The following KIF6 variants were observed in gnomAD, a reference collection of about 807,000 sequenced individuals.
KIF6 encodes the protein kinesin family member 6.
A neutral mutation model predicts 112.7 loss-of-function variants in KIF6; 106 were observed. That is an observed-to-expected ratio of 0.94 (90% CI 0.80 to 1.11). KIF6 has a LOEUF of 1.11. KIF6 is among the 50% of genes least tolerant of loss of function. The pLI, the probability that KIF6 is intolerant of heterozygous loss-of-function variation, is 0.00. For missense variants in KIF6, 929 were observed against 964.0 expected (o/e 0.96, Z 0.48); for synonymous variants, 339 against 339.9 (o/e 1.00, Z 0.03).
chr6:39,644,328 T>C (rs1245577927), intron 3 of KIF6, among the ~76,000 whole-genome samples: 1 of 152,104 alleles, frequency 6.6e-6, no homozygotes, highest in African/African-American at 2.4e-5. Flanking sequence ...CACAGCAGTA[T>C]TAAAAACATG....
intron 13 of KIF6, among the ~76,000 whole-genome samples, chr6:39,489,877 A>G (rs1775365712): frequency 6.6e-6 from 1 of 152,222 alleles, no homozygotes; most frequent in Non-Finnish European, 1.5e-5. Flanking sequence ...GAGAGCAGAA[A>G]GCAGAAAATA....
chr6:39,621,222 C>G (rs1008331167), intron 5 of KIF6, among the ~76,000 whole-genome samples: 12 of 137,588 alleles, frequency 8.7e-5, no homozygotes, highest in Non-Finnish European at 1.6e-4. Context: ...CACACACACA[C>G]ACACACACAC....
At chr6:39,585,569 G>T (rs1356207000) in intron 8 of KIF6, among the ~76,000 whole-genome samples, 4 of 152,172 alleles carry the variant, frequency 2.6e-5, no homozygotes, top group Non-Finnish European at 5.9e-5. Flanking sequence ...GTCCTAAGTG[G>T]CAGCTGGTAT....
At chr6:39,339,731 T>A (rs1336448067) in intron 22 of KIF6, among the ~76,000 whole-genome samples, 2 of 151,672 alleles carry the variant, frequency 1.3e-5, no homozygotes, top group Admixed American at 1.3e-4. Flanking sequence ...CTGATGCCCC[T>A]TACGGGTGTT....
intron 16 of KIF6, among the ~76,000 whole-genome samples, chr6:39,379,901 C>T (rs1766775444): frequency 6.6e-6 from 1 of 152,164 alleles, no homozygotes; most frequent in Non-Finnish European, 1.5e-5. Context: ...TCCTTAACCC[C>T]TTTGGGCCTT....
At chr6:39,346,330 G>A (rs1283378496) in intron 20 of KIF6, 146 bp downstream of exon 20, 2 of 701,414 alleles carry the variant, frequency 2.9e-6, no homozygotes, top group Admixed American at 2.0e-5. Flanking sequence ...GGGCCTTTGG[G>A]TGGTGATTAA....
rs189625577 is a variant in KIF6, at chr6:39,533,172, T to G, written c.1645+6831A>C. ...CAGACAGTGGGTGCAAGACAGTGGG[T>G]GTAGTGCACCGTGCGTGAGCCGAAG... is the stretch of plus-strand genomic sequence containing the variant. On this transcript the variant is annotated intron_variant, in intron 13 of 22. Coordinates refer to ENST00000287152, the MANE Select transcript of KIF6 (RefSeq NM_145027.6). Among the ~76,000 whole-genome samples, 189 of 152,270 alleles carry G rather than the reference T, an allele frequency of 1.2e-3. 2 individuals are homozygous for G. The highest frequency in any genetic ancestry group is 2.4e-3 in the Non-Finnish European group (163 of 68,016).
chr6:39,540,304 C>G, intron 12 of KIF6, 83 bp from the exon 13 acceptor site: 2 of 861,506 alleles, frequency 2.3e-6, no homozygotes, highest in Non-Finnish European at 3.6e-6. Context: ...ATTAATGTTC[C>G]TAACATTTGC....
chr6:39,697,541 CTTT>C (rs35838361), intron 3 of KIF6, among the ~76,000 whole-genome samples: 1 of 131,506 alleles, frequency 7.6e-6, no homozygotes, highest in Non-Finnish European at 1.7e-5. Flanking sequence ...TTTATCCTTT[CTTT>C]TTTTTTTTTT....
intron 10 of KIF6, among the ~76,000 whole-genome samples, chr6:39,547,828 T>C (rs780499801): frequency 6.6e-6 from 1 of 152,236 alleles, no homozygotes; most frequent in Non-Finnish European, 1.5e-5. Flanking sequence ...TTCCATACTA[T>C]GGATGTACTA....
At chr6:39,679,051 G>GT (rs1185379939) in intron 3 of KIF6, among the ~76,000 whole-genome samples, 3 of 152,186 alleles carry the variant, frequency 2.0e-5, no homozygotes, top group Non-Finnish European at 4.4e-5. Context: ...CAAAGCACAC[G>GT]TTGAAATAAT....
intron 13 of KIF6, among the ~76,000 whole-genome samples, chr6:39,519,607 C>G (rs1777266722): frequency 6.6e-6 from 1 of 151,970 alleles, no homozygotes; most frequent in Non-Finnish European, 1.5e-5. Context: ...TTCTGCGAGT[C>G]TAGGAAGGGA....
At chr6:39,455,576 T>C (rs1452087305) in intron 13 of KIF6, among the ~76,000 whole-genome samples, 1 of 151,686 alleles carries the variant, frequency 6.6e-6, no homozygotes, top group Non-Finnish European at 1.5e-5. Flanking sequence ...TACTCTGAGC[T>C]ACGGGAGGAC....
intron 13 of KIF6, among the ~76,000 whole-genome samples, chr6:39,523,645 CATATATATATATAT>C (rs56952665): frequency 0.037 from 1,215 of 32,438 alleles, 23 homozygotes; most frequent in East Asian, 0.079. Flanking sequence ...TTAATTCTGC[CATATATATATATAT>C]ATATATATAT....
At chr6:39,721,222 A>C (rs1221157156) in intron 1 of KIF6, among the ~76,000 whole-genome samples, 1 of 152,212 alleles carries the variant, frequency 6.6e-6, no homozygotes, top group African/African-American at 2.4e-5. Flanking sequence ...CCAGAGATAA[A>C]GGGACTAGGT....
intron 13 of KIF6, among the ~76,000 whole-genome samples, chr6:39,485,651 T>C (rs566039845): frequency 1.3e-5 from 2 of 152,228 alleles, no homozygotes; most frequent in South Asian, 4.2e-4. Flanking sequence ...TTCTACACAT[T>C]ATCAATGTGC....
intron 13 of KIF6, among the ~76,000 whole-genome samples, chr6:39,442,974 C>T (rs561186272): frequency 4.0e-5 from 6 of 151,650 alleles, no homozygotes; most frequent in East Asian, 1.9e-4. Flanking sequence ...ATTAGCCGGG[C>T]GTGGTGGCGG....
chr6:39,532,103 G>C (rs548805849), intron 13 of KIF6, among the ~76,000 whole-genome samples: 6 of 152,058 alleles, frequency 3.9e-5, no homozygotes, highest in Non-Finnish European at 8.8e-5. Flanking sequence ...TTGGCTTCCT[G>C]GTATGTGCTT....
In KIF6 at chr6:39,613,310, G is replaced by A; in HGVS notation, c.518C>T (p.Thr173Ile). ...ASSLEDLPKVTILEDPDQNIH... is the reference protein window; with the variant it reads ...ASSLEDLPKVIILEDPDQNIH... ...GTTCTGATCAGGATCCTCCAGTATT[G>A]TCACTTTCCTAAGCAAATGGGAAGC... The change falls in exon 6 of 23, where the codon ACA becomes ATA. Residue 173 changes from threonine (T) to isoleucine (I), a missense_variant. Thr to Ile is a moderately conservative substitution (Grantham distance 89). This residue lies in a region of KIF6 where 688 missense variants were observed against 662.7 expected (regional missense o/e 1.04). Transcript: ENST00000287152. The A allele has an allele frequency of 6.3e-7, 1 of 1,582,580 alleles. No homozygotes were observed.
Sources: gnomAD v4.1 joint callset for allele counts (sites outside exome capture counted in the v4.1 genomes callset) on GRCh38, gnomAD v4.1.1 for gene constraint, gnomAD v4.1.1 regional missense constraint, MANE v1.5 for transcripts, NCBI Gene and HGNC (gene_info 2026-07-23, HGNC 2026-07-21) for gene names.